The following PCDHA13 variants were observed in gnomAD, a reference collection of about 807,000 sequenced individuals.
PCDHA13 encodes protocadherin alpha-13.
Under a neutral mutation model 64.8 loss-of-function variants are expected in PCDHA13, and 54 were observed. The ratio of observed to expected loss-of-function variants is 0.83; its 90% CI spans 0.67 to 1.04. The LOEUF (loss-of-function observed/expected upper bound fraction) is 1.04. Ranked by LOEUF, PCDHA13 falls within the 50% of genes least tolerant of loss-of-function variation. PCDHA13 has a pLI of 0.00. For synonymous variants in PCDHA13, 587 were observed against 564.4 expected (o/e 1.04, Z -0.57); for missense variants, 1,248 against 1,254.3 (o/e 0.99, Z 0.08).
chr5:140,916,621 C>T (rs1031371866), intron 1 of PCDHA13, among the ~76,000 whole-genome samples: 8 of 152,200 alleles, frequency 5.3e-5, no homozygotes, highest in Non-Finnish European at 1.2e-4. Flanking sequence ...TGACTCTACT[C>T]AATGCCCTAT....
At chr5:140,899,575 G>C (rs1347901369) in intron 1 of PCDHA13, among the ~76,000 whole-genome samples, 1 of 152,086 alleles carries the variant, frequency 6.6e-6, no homozygotes, top group African/African-American at 2.4e-5. Flanking sequence ...TGCTGGATTC[G>C]GTTTGCCAGT....
intron 1 of PCDHA13, among the ~76,000 whole-genome samples, chr5:140,941,191 T>TTTTC (rs1217097209): frequency 2.1e-5 from 2 of 93,206 alleles, no homozygotes; most frequent in African/African-American, 7.9e-5. Flanking sequence ...GCTTCTTTTT[T>TTTTC]TTTCTTTCTT....
At chr5:140,906,757 A>G (rs554698266) in intron 1 of PCDHA13, among the ~76,000 whole-genome samples, 2 of 152,346 alleles carry the variant, frequency 1.3e-5, no homozygotes, top group South Asian at 4.1e-4. Flanking sequence ...GCATGGTAAT[A>G]CTAAGAGACA....
At position 140,968,115 on chromosome 5, in the gene PCDHA13, C is replaced by T. The variant is rs199565711; in HGVS notation, c.2395-10834C>T. On this transcript the variant is annotated intron_variant, in intron 1 of 3. Coordinates refer to ENST00000289272, the MANE Select transcript of PCDHA13 (RefSeq NM_018904.3). ...ACAGATGGGGGAATACCGCAGCTCACATCCCTGCGTACACTGAAGGTTGAG... is the reference window on the plus strand; with the variant it reads ...ACAGATGGGGGAATACCGCAGCTCATATCCCTGCGTACACTGAAGGTTGAG... 8.7e-6 allele frequency: 14 copies of T among 1,614,068 alleles called. No individual in the cohort carries two copies. In the Admixed American group the frequency reaches 1.2e-4, roughly 13 times the overall value.
chr5:140,981,969 T>C (rs1438723039), intron 2 of PCDHA13, among the ~76,000 whole-genome samples: 1 of 152,146 alleles, frequency 6.6e-6, no homozygotes, highest in African/African-American at 2.4e-5. Context: ...ATAAAAGATA[T>C]AGAAAGAGTA....
chr5:140,903,688 A>G (rs1392078626), intron 1 of PCDHA13, among the ~76,000 whole-genome samples: 13 of 152,242 alleles, frequency 8.5e-5, no homozygotes, highest in Admixed American at 7.9e-4. Flanking sequence ...TTTGGTAAAT[A>G]GTTTAAAATA....
chr5:140,929,646 A>G (rs868995130), intron 1 of PCDHA13: 1 of 365,824 alleles, frequency 2.7e-6, no homozygotes, highest in Non-Finnish European at 5.0e-6. Flanking sequence ...TGTGTAAGGC[A>G]CTCTAATATT....
At position 140,938,754 on chromosome 5, in the gene PCDHA13, A is replaced by G. The variant is rs79400957; in HGVS notation, c.2395-40195A>G. Among the ~76,000 whole-genome samples the G allele has an allele frequency of 2.9e-3, 442 of 152,274 alleles. 1 individual carries two copies. Among genetic ancestry groups the G allele is most frequent in the African/African-American group, 0.01 (423 of 41,554 alleles). The stretch of plus-strand genomic sequence containing the variant: ...AAAAAATAATTATTTTTAAAGGCAT[A>G]GTTATTGGGTACTAGACTTAGTACC... On this transcript the variant is annotated intron_variant, in intron 1 of 3. Transcript: ENST00000289272.
chr5:140,885,945 TA>T (rs2060787135), intron 1 of PCDHA13, among the ~76,000 whole-genome samples: 1 of 152,206 alleles, frequency 6.6e-6, no homozygotes, highest in Non-Finnish European at 1.5e-5. Flanking sequence ...TTGACATTTT[TA>T]ATTAAAATTT....
chr5:140,926,370 A>G (rs1268539055), intron 1 of PCDHA13: 1 of 152,298 alleles, frequency 6.6e-6, no homozygotes, highest in African/African-American at 2.4e-5. Flanking sequence ...GGCGGCAGGA[A>G]GAGCCCAGCT....
chr5:140,942,157 T>C (rs2093241169), intron 1 of PCDHA13, among the ~76,000 whole-genome samples: 1 of 152,236 alleles, frequency 6.6e-6, no homozygotes, highest in Non-Finnish European at 1.5e-5. Context: ...TAAAACAGCT[T>C]CCATATTTCT....
At chr5:140,889,213 G>A (rs1463412254) in intron 1 of PCDHA13, among the ~76,000 whole-genome samples, 1 of 151,602 alleles carries the variant, frequency 6.6e-6, no homozygotes, top group African/African-American at 2.4e-5. Context: ...TAACAAAGAA[G>A]AATAGTCTTT....
chr5:140,927,495 G>C (rs111935715), intron 1 of PCDHA13: 2 of 1,614,128 alleles, frequency 1.2e-6, no homozygotes, highest in African/African-American at 1.3e-5. Context: ...CCCACCTGCT[G>C]GTGCTTACAG....
At chr5:140,908,728 C>T (rs2074119712) in intron 1 of PCDHA13, among the ~76,000 whole-genome samples, 1 of 152,202 alleles carries the variant, frequency 6.6e-6, no homozygotes, top group Non-Finnish European at 1.5e-5. Context: ...GGTCATATGG[C>T]TCGAGAAACA....
At chr5:140,980,849 C>A (rs2096908252) in intron 2 of PCDHA13, among the ~76,000 whole-genome samples, 1 of 152,068 alleles carries the variant, frequency 6.6e-6, no homozygotes, top group Admixed American at 6.6e-5. Context: ...TAATACTAAT[C>A]TTTTTCGTAT....
chr5:140,921,741 A>G (rs1437643098), intron 1 of PCDHA13, among the ~76,000 whole-genome samples: 1 of 152,202 alleles, frequency 6.6e-6, no homozygotes, highest in Non-Finnish European at 1.5e-5. Context: ...AATTATAAGC[A>G]TAACAGGACA....
At chr5:140,992,471 A>G (rs1563581785) in intron 3 of PCDHA13, among the ~76,000 whole-genome samples, 1 of 152,186 alleles carries the variant, frequency 6.6e-6, no homozygotes, top group Non-Finnish European at 1.5e-5. Context: ...TACTCTTTAG[A>G]TCACCCAGAG....
rs782410675 is a variant in PCDHA13, at chr5:140,884,460, C to A, written c.2192C>A (p.Ala731Glu). The change falls in exon 1 of 4, where the codon GCG (alanine) becomes GAG (glutamate). Residue 731 changes from alanine to glutamate, a missense_variant. Physicochemically the swap from Ala to Glu is moderately radical, Grantham distance 107. Coordinates refer to ENST00000289272, the MANE Select transcript of PCDHA13 (RefSeq NM_018904.3). ...TGCTCGGCACCGCCCACCGAGGGCG[C>A]GTGCGCGCCGGGCAAGCCCACTCTA... is the stretch of plus-strand genomic sequence containing the variant. The part of the protein sequence containing the change: ...LRCSAPPTEG[A>E]CAPGKPTLVC... The A allele has an allele frequency of 4.5e-5, 72 of 1,613,614 alleles. No individual in the cohort carries two copies. Among genetic ancestry groups the A allele is most frequent in the Non-Finnish European group, 5.8e-5 (68 of 1,179,818 alleles).
chr5:140,928,675 T>C (rs782241604), intron 1 of PCDHA13: 1 of 1,614,210 alleles, frequency 6.2e-7, no homozygotes, highest in South Asian at 1.1e-5. Flanking sequence ...TTCTAATGCC[T>C]GGCTTTCCTA....
Sources: gnomAD v4.1 joint callset for allele counts (sites outside exome capture counted in the v4.1 genomes callset) on GRCh38, gnomAD v4.1.1 for gene constraint, MANE v1.5 for transcripts, NCBI Gene and HGNC (gene_info 2026-07-23, HGNC 2026-07-21) for gene names.